Variants in KCNQ1 observed in about 807,000 individuals in gnomAD.
KCNQ1 encodes the protein potassium voltage-gated channel subfamily KQT member 1.
Under a neutral mutation model 72.4 loss-of-function variants are expected in KCNQ1, and 49 were observed. That is an observed-to-expected ratio of 0.68 (90% CI 0.54 to 0.86). The LOEUF (loss-of-function observed/expected upper bound fraction) is 0.86, where lower values mean the gene tolerates loss of function less well. Among genes scored for constraint, KCNQ1 ranks in the 40% least tolerant of loss-of-function variants. The pLI, the probability that KCNQ1 is intolerant of heterozygous loss-of-function variation, is 0.00. For synonymous variants in KCNQ1, 450 were observed against 412.6 expected, an observed-to-expected ratio of 1.09 and a Z score of -1.10; for missense variants, 790 against 945.1, an observed-to-expected ratio of 0.84 and a Z score of 2.15.
rs772132157 is a variant in KCNQ1, at chr11:2,664,975, T to C, written c.1514+2894T>C. ...ATAGCCTTGATTACGGGAAGGTCCC[T>C]GGGGCTGGGCGAAGCTCCTCTTTCC... On this transcript the variant is annotated intron_variant, in intron 11 of 15. Transcript: ENST00000155840. The surrounding 1 kb of genome is among the most constrained non-coding windows in gnomAD (Gnocchi z 5.1). 5.0e-6 allele frequency: 2 copies of C among 398,468 alleles called. No homozygotes were observed. The highest frequency in any genetic ancestry group is 8.8e-6 in the Non-Finnish European group (2 of 226,068). 24.7% of individuals were successfully genotyped at this position (398,468 alleles called of 1,614,324 possible). A position where few individuals can be genotyped will look rare whatever the true frequency, so the allele number is the denominator to read the frequency against.
intron 15 of KCNQ1, among the ~76,000 whole-genome samples, chr11:2,797,847 TC>T: frequency 6.6e-6 from 1 of 151,854 alleles, no homozygotes; most frequent in Admixed American, 6.5e-5. Flanking sequence ...GCCAGCCGGT[TC>T]CCCCAGGCAC....
At position 2,456,750 on chromosome 11, in the gene KCNQ1, T is replaced by C. The variant is rs1347010432; in HGVS notation, c.386+11266T>C. On this transcript the variant is annotated intron_variant, in intron 1 of 15. Transcript: ENST00000155840. ...TCCTGGCTAACATGGTGAAACCCTG[T>C]CTCTACTAAAAATCCAAAAAAAAAA... 1.3e-4 allele frequency among the ~76,000 whole-genome samples: 16 copies of C among 126,578 alleles called. No homozygotes were observed. The South Asian group carries it at 1.5e-3, about 12-fold the overall frequency. The allele number at this position is 126,578 out of a possible 152,430, so 83.0% of individuals were successfully genotyped here.
chr11:2,709,263 C>G (rs1241388122), intron 11 of KCNQ1, among the ~76,000 whole-genome samples: 2 of 124,590 alleles, frequency 1.6e-5, no homozygotes, highest in African/African-American at 6.1e-5. Flanking sequence ...CAGAGGACTT[C>G]TGGCTCCCTG....
intron 1 of KCNQ1, among the ~76,000 whole-genome samples, chr11:2,519,732 T>A (rs987148277): frequency 3.9e-5 from 6 of 152,064 alleles, no homozygotes; most frequent in Non-Finnish European, 7.4e-5. Flanking sequence ...ATAGTGATCA[T>A]AAGTAATGTA....
rs1848254953 is a variant in KCNQ1, at chr11:2,566,805, TG to T, written c.478-3819del. 1.3e-5 allele frequency among the ~76,000 whole-genome samples: 2 copies of T among 152,124 alleles called. No individual in the cohort carries two copies. Among genetic ancestry groups the T allele is most frequent in the African/African-American group, 4.8e-5 (2 of 41,422 alleles). ...CATAGATCTTGTGAGAGGCGCTTTG[TG>T]GGGCTGGATGATCCTGGGTGCCCCT... On this transcript the variant is annotated intron_variant, in intron 2 of 15. Coordinates refer to ENST00000155840, the MANE Select transcript of KCNQ1 (RefSeq NM_000218.3). The surrounding 1 kb of genome is among the most constrained non-coding windows in gnomAD (Gnocchi z 6.7).
chr11:2,695,135 C>T lies in KCNQ1; in HGVS notation c.1514+33054C>T, dbSNP rs1850652465. ...GGAGAGTCATGGAGGCACATTCATT[C>T]GTTGGTTCTTGGCTTTTGGGACTCT... On this transcript the variant is annotated intron_variant, in intron 11 of 15. Transcript: ENST00000155840. The surrounding 1 kb of genome is among the most constrained non-coding windows in gnomAD (Gnocchi z 5.2). 7.5e-6 allele frequency: 3 copies of T among 398,488 alleles called. No homozygotes were observed. Among genetic ancestry groups the T allele is most frequent in the Non-Finnish European group, 1.3e-5 (3 of 226,088 alleles). 24.7% of individuals were successfully genotyped at this position (398,488 alleles called of 1,614,324 possible). A position where few individuals can be genotyped will look rare whatever the true frequency, so the allele number is the denominator to read the frequency against.
Position 2,653,766 on chromosome 11 carries a change from A to G in KCNQ1, c.1394-8195A>G. 2.5e-6 allele frequency: 1 copy of G among 398,660 alleles called. No individual in the cohort carries two copies. Among genetic ancestry groups the G allele is most frequent in the Admixed American group, 4.4e-5 (1 of 22,730 alleles). The allele number at this position is 398,660 out of a possible 1,614,324, so 24.7% of individuals were successfully genotyped here. ...GGTTCTTATTGGCCTCAGCTGGGGT[A>G]CAAGCCATCCTTGGACCTGCAGCTG... is the stretch of plus-strand genomic sequence containing the variant. On this transcript the variant is annotated intron_variant, in intron 10 of 15. Transcript: ENST00000155840. The surrounding 1 kb of genome is among the most constrained non-coding windows in gnomAD (Gnocchi z 5.3).
rs115718055 is a variant in KCNQ1 at position 2,650,124 on chromosome 11, C to T, written c.1394-11837C>T. The T allele has an allele frequency of 2.4e-3, 951 of 398,298 alleles. 4 individuals carry two copies. Among genetic ancestry groups the T allele is most frequent in the African/African-American group, 0.018 (856 of 48,658 alleles). 24.7% of individuals were successfully genotyped at this position (398,298 alleles called of 1,614,324 possible). ...TTTCATTCATTTAATTTATCACCTC[C>T]AGGATTTTTGTTTGGTTCTTTTTCA... is the stretch of plus-strand genomic sequence containing the variant. On this transcript the variant is annotated intron_variant, in intron 10 of 15. Transcript: ENST00000155840.
At chr11:2,731,178 A>G (rs1325810427) in intron 11 of KCNQ1, among the ~76,000 whole-genome samples, 2 of 152,168 alleles carry the variant, frequency 1.3e-5, no homozygotes, top group African/African-American at 4.8e-5. Flanking sequence ...CCCTAGGTAC[A>G]GTCCCCTGTG....
At position 2,725,168 on chromosome 11, in the gene KCNQ1, C is replaced by T. The variant is rs1158105878; in HGVS notation, c.1515-43676C>T. On this transcript the variant is annotated intron_variant, in intron 11 of 15. Coordinates refer to ENST00000155840, the MANE Select transcript of KCNQ1 (RefSeq NM_000218.3). This position sits in a 1 kb window ranked among gnomAD's most constrained non-coding sequence, Gnocchi z 7.2. Reference sequence around the variant, plus strand: ...GGGTGGGGCAGGCACGGATTCCTGACGTGGAGACAGGAGGAAGCCGACGGC... The same window carrying T: ...GGGTGGGGCAGGCACGGATTCCTGATGTGGAGACAGGAGGAAGCCGACGGC... 1.3e-5 allele frequency among the ~76,000 whole-genome samples: 2 copies of T among 152,184 alleles called. No homozygotes were observed. Among genetic ancestry groups the T allele is most frequent in the African/African-American group, 4.8e-5 (2 of 41,440 alleles).
At chr11:2,728,673 G>A (rs868784278) in intron 11 of KCNQ1, among the ~76,000 whole-genome samples, 2 of 152,200 alleles carry the variant, frequency 1.3e-5, no homozygotes, top group Non-Finnish European at 1.5e-5. Context: ...GTGGCCAGTT[G>A]GGCATGGGGT....
rs1225602337 is a variant in KCNQ1, at chr11:2,627,260, C to T, written c.1394-34701C>T. On this transcript the variant is annotated intron_variant, in intron 10 of 15. Coordinates refer to ENST00000155840, the MANE Select transcript of KCNQ1 (RefSeq NM_000218.3). The surrounding 1 kb of genome is among the most constrained non-coding windows in gnomAD (Gnocchi z 4.9). ...TATTTGACCTACTGTGAAATGATTACTACAATCAAGCCAATTAACATATAC... is the reference window on the plus strand; with the variant it reads ...TATTTGACCTACTGTGAAATGATTATTACAATCAAGCCAATTAACATATAC... 2 of 398,366 alleles carry T rather than the reference C, an allele frequency of 5.0e-6. No individual in the cohort carries two copies. The highest frequency in any genetic ancestry group is 4.4e-6 in the Non-Finnish European group (1 of 226,046). 24.7% of individuals were successfully genotyped at this position (398,366 alleles called of 1,614,324 possible). A position where few individuals can be genotyped will look rare whatever the true frequency, so the allele number is the denominator to read the frequency against.
At chr11:2,737,798 G>A (rs1022238237) in intron 11 of KCNQ1, among the ~76,000 whole-genome samples, 8 of 152,182 alleles carry the variant, frequency 5.3e-5, no homozygotes, top group Non-Finnish European at 1.0e-4. Context: ...GGGTGCGACC[G>A]TCACAGCCCT....
intron 11 of KCNQ1, chr11:2,665,667 A>T (rs545127037): frequency 5.0e-6 from 2 of 397,718 alleles, no homozygotes; most frequent in South Asian, 2.6e-4. Context: ...CAGTTCCCTA[A>T]GCCTTTCGAA....
At chr11:2,696,532 G>A (rs1175092586) in intron 11 of KCNQ1, 4 of 398,510 alleles carry the variant, frequency 1.0e-5, no homozygotes, top group Non-Finnish European at 1.3e-5. Flanking sequence ...CAAAAGTTCA[G>A]TTGGCATTTA....
Position 2,509,213 on chromosome 11 carries a change from T to C in KCNQ1, c.387-18715T>C, listed in dbSNP as rs1847153773. 6.6e-6 allele frequency among the ~76,000 whole-genome samples: 1 copy of C among 152,230 alleles called. No homozygotes were observed. Among genetic ancestry groups the C allele is most frequent in the African/African-American group, 2.4e-5 (1 of 41,458 alleles). On this transcript the variant is annotated intron_variant, in intron 1 of 15. Transcript: ENST00000155840. The surrounding 1 kb of genome is among the most constrained non-coding windows in gnomAD (Gnocchi z 6.3). The stretch of plus-strand genomic sequence containing the variant: ...GCTTTTATTTGCTGTTTCATGAAAC[T>C]GAAAATTTAAGTTTTTAATATCACA...
rs186627326 is a variant in KCNQ1 at position 2,646,853 on chromosome 11, C to A, written c.1394-15108C>A. The A allele has an allele frequency of 1.5e-5, 6 of 398,626 alleles. No individual in the cohort carries two copies. The Admixed American group carries it at 2.6e-4, about 18-fold the overall frequency. 24.7% of individuals were successfully genotyped at this position (398,626 alleles called of 1,614,324 possible). ...GTTTGTTGATTTTTTTATCCTGCAA[C>A]TTTATTGAATTCCTTTACCAGTTCT... is the stretch of plus-strand genomic sequence containing the variant. On this transcript the variant is annotated intron_variant, in intron 10 of 15. Coordinates refer to ENST00000155840, the MANE Select transcript of KCNQ1 (RefSeq NM_000218.3).
At chr11:2,845,227 TGCTTTCGCCG>T (rs1386972667) in intron 15 of KCNQ1, among the ~76,000 whole-genome samples, 1 of 146,294 alleles carries the variant, frequency 6.8e-6, no homozygotes, top group Non-Finnish European at 1.5e-5. Context: ...CCCTGCCCTC[TGCTTTCGCCG>T]GCTCCCTACC....
intron 10 of KCNQ1, chr11:2,625,578 CTTT>C (rs35148119): frequency 2.5e-3 from 853 of 335,866 alleles, no homozygotes; most frequent in Non-Finnish European, 2.9e-3. Context: ...GTCCTTTGCC[CTTT>C]TTTTTTTTTT....
Sources: allele counts gnomAD v4.1 joint callset (sites outside exome capture counted in the v4.1 genomes callset), GRCh38; gene constraint gnomAD v4.1.1; non-coding constraint Gnocchi (gnomAD v3.1); transcripts MANE v1.5; gene names NCBI Gene and HGNC (gene_info 2026-07-23, HGNC 2026-07-21).